The following RALGPS2 variants were observed in gnomAD, a reference collection of about 807,000 sequenced individuals.
The protein encoded by RALGPS2 is Ral GEF with PH domain and SH3 binding motif 2.
In RALGPS2, 43 loss-of-function variants were observed where a neutral mutation model predicts 86.8. That is an observed-to-expected ratio of 0.50 (90% CI 0.39 to 0.64). The LOEUF (loss-of-function observed/expected upper bound fraction) is 0.64, where lower values mean the gene tolerates loss of function less well. Ranked by LOEUF, RALGPS2 falls within the 30% of genes least tolerant of loss-of-function variation. The pLI is 0.00. For synonymous variants in RALGPS2, 243 were observed against 231.3 expected (o/e 1.05, Z -0.46); for missense variants, 536 against 694.6 (o/e 0.77, Z 2.57).
chr1:178,891,212 T>G (rs1659699188), intron 14 of RALGPS2, among the ~76,000 whole-genome samples: 1 of 152,116 alleles, frequency 6.6e-6, no homozygotes, highest in Admixed American at 6.6e-5. Context: ...TAAAAAAAGC[T>G]ACTTTTCTTA....
At chr1:178,876,199 G>A (rs1658997263) in intron 8 of RALGPS2, among the ~76,000 whole-genome samples, 1 of 151,186 alleles carries the variant, frequency 6.6e-6, no homozygotes, top group African/African-American at 2.4e-5. Context: ...TTGCAGTCTT[G>A]AATAGATAAG....
intron 4 of RALGPS2, among the ~76,000 whole-genome samples, chr1:178,786,605 G>A (rs1572331256): frequency 6.6e-6 from 1 of 151,082 alleles, no homozygotes; most frequent in Non-Finnish European, 1.5e-5. Context: ...ATTGTCTTTG[G>A]TACACAACTA....
At chr1:178,865,345 C>A (rs1658328616) in intron 8 of RALGPS2, 1 of 1,614,040 alleles carries the variant, frequency 6.2e-7, no homozygotes, top group Non-Finnish European at 8.5e-7. Context: ...AATTATCCCT[C>A]TTACGGATAA....
chr1:178,914,693 G>C (rs1356709849), intron 19 of RALGPS2, among the ~76,000 whole-genome samples: 2 of 151,860 alleles, frequency 1.3e-5, no homozygotes, highest in East Asian at 1.9e-4. Flanking sequence ...AAATATTGTT[G>C]GAGTGGGCTT....
At chr1:178,733,154 A>G (rs1558093071) in intron 1 of RALGPS2, among the ~76,000 whole-genome samples, 1 of 152,216 alleles carries the variant, frequency 6.6e-6, no homozygotes, top group African/African-American at 2.4e-5. Context: ...AAATATCTGT[A>G]TGACCCTGTT....
chr1:178,916,285 GA>G (rs1444443400), intron 19 of RALGPS2, 44 bp from the exon 20 acceptor site: 1 of 1,504,370 alleles, frequency 6.6e-7, no homozygotes, highest in Non-Finnish European at 9.2e-7. Flanking sequence ...ATACTCCTTT[GA>G]AAAACAACTT....
intron 9 of RALGPS2, 56 bp from the exon 10 acceptor site, chr1:178,878,846 T>C: frequency 6.3e-7 from 1 of 1,581,488 alleles, no homozygotes; most frequent in East Asian, 2.3e-5. Flanking sequence ...GCTTAATTTT[T>C]AAAGTTCTGG....
chr1:178,730,366 A>G (rs1339028005), intron 1 of RALGPS2, among the ~76,000 whole-genome samples: 2 of 152,206 alleles, frequency 1.3e-5, no homozygotes, highest in African/African-American at 4.8e-5. Flanking sequence ...TCTTCCCAAT[A>G]TAGTCATGCT....
At chr1:178,793,076 C>T (rs1437181286) in intron 4 of RALGPS2, among the ~76,000 whole-genome samples, 1 of 152,142 alleles carries the variant, frequency 6.6e-6, no homozygotes, top group African/African-American at 2.4e-5. Flanking sequence ...TACTTAATTT[C>T]ACTTACTTTA....
chr1:178,901,914 G>A (rs1208511548), intron 17 of RALGPS2, among the ~76,000 whole-genome samples, 192 bp from the exon 18 acceptor site: 1 of 152,016 alleles, frequency 6.6e-6, no homozygotes, highest in East Asian at 1.9e-4. Flanking sequence ...CTGGAAAGTA[G>A]GAGATTATCT....
chr1:178,817,416 C>G (rs1233786942), intron 6 of RALGPS2, among the ~76,000 whole-genome samples: 2 of 146,376 alleles, frequency 1.4e-5, no homozygotes, highest in Non-Finnish European at 3.0e-5. Context: ...TGTTTAACTG[C>G]TTTGACATTT....
chr1:178,770,620 G>A (rs573566291), intron 1 of RALGPS2, among the ~76,000 whole-genome samples: 30 of 148,392 alleles, frequency 2.0e-4, no homozygotes, highest in African/African-American at 6.7e-4. Flanking sequence ...GGTACAATAG[G>A]CACCCACCAC....
At chr1:178,766,391 T>C (rs1248160332) in intron 1 of RALGPS2, among the ~76,000 whole-genome samples, 4 of 151,892 alleles carry the variant, frequency 2.6e-5, no homozygotes, top group Non-Finnish European at 1.5e-5. Flanking sequence ...GGCTAATTTT[T>C]TTTTTTTTTG....
At chr1:178,748,051 G>A (rs547766286) in intron 1 of RALGPS2, among the ~76,000 whole-genome samples, 7 of 152,190 alleles carry the variant, frequency 4.6e-5, no homozygotes, top group Non-Finnish European at 8.8e-5. Flanking sequence ...TGGGCACAAC[G>A]TCTCACTTCT....
intron 1 of RALGPS2, among the ~76,000 whole-genome samples, chr1:178,742,286 G>A (rs539637232): frequency 2.6e-4 from 39 of 152,112 alleles, no homozygotes; most frequent in Admixed American, 7.2e-4. Context: ...CACCATGCTC[G>A]CAATAGTCAA....
At chr1:178,757,121 A>T (rs932087233) in intron 1 of RALGPS2, among the ~76,000 whole-genome samples, 1 of 152,136 alleles carries the variant, frequency 6.6e-6, no homozygotes, top group Non-Finnish European at 1.5e-5. Context: ...TTATTGTTGT[A>T]TGGAAATGCT....
intron 7 of RALGPS2, among the ~76,000 whole-genome samples, chr1:178,831,221 T>G (rs1360880331): frequency 1.3e-5 from 2 of 152,188 alleles, no homozygotes; most frequent in Non-Finnish European, 2.9e-5. Flanking sequence ...GTTATAAAGT[T>G]TAAATCCATT....
At chr1:178,894,693 G>A (rs1659865219) in intron 16 of RALGPS2, among the ~76,000 whole-genome samples, 1 of 151,980 alleles carries the variant, frequency 6.6e-6, no homozygotes, top group African/African-American at 2.4e-5. Context: ...TTGCCTGTGG[G>A]TAACTGAAAC....
intron 19 of RALGPS2, among the ~76,000 whole-genome samples, chr1:178,909,784 G>C (rs756953049): frequency 2.0e-5 from 3 of 151,310 alleles, no homozygotes; most frequent in Admixed American, 6.6e-5. Context: ...CGAGTAGCTG[G>C]GAGTACAGGC....
Sources: gnomAD v4.1 joint callset for allele counts (sites outside exome capture counted in the v4.1 genomes callset) on GRCh38, gnomAD v4.1.1 for gene constraint, MANE v1.5 for transcripts, NCBI Gene and HGNC (gene_info 2026-07-23, HGNC 2026-07-21) for gene names.